Variants in LINGO2 observed in about 807,000 individuals in gnomAD.
LINGO2 encodes leucine rich repeat and Ig domain containing 2, also known as leucine-rich repeat and immunoglobulin-like domain-containing nogo receptor-interacting protein 2.
In LINGO2, 14 loss-of-function variants were observed where a neutral mutation model predicts 30.6. The ratio of observed to expected loss-of-function variants is 0.46; its 90% CI spans 0.30 to 0.72. The LOEUF is 0.72. LINGO2 is among the 30% of genes least tolerant of loss of function. The probability of loss-of-function intolerance (pLI) is 0.07; values close to 1 mark genes in which losing one functional copy is unlikely to be tolerated. For synonymous variants in LINGO2, 317 were observed against 288.5 expected (o/e 1.10, Z -1.00); for missense variants, 729 against 751.7 (o/e 0.97, Z 0.35).
chr9:27,938,871 A>C, the LINGO2 span: 2 of 152,206 alleles, frequency 1.3e-5, no homozygotes, highest in East Asian at 3.9e-4. Context: ...TGCTTGGATA[A>C]TTGGAAAATT....
chr9:28,150,095 G>C (rs1312193887), intron 4 of LINGO2, among the ~76,000 whole-genome samples: 1 of 151,338 alleles, frequency 6.6e-6, no homozygotes, highest in Admixed American at 6.6e-5. Context: ...GAAGTGAGGA[G>C]TGCTTCTGCC....
At chr9:28,351,695 A>C (rs1455775341) in intron 3 of LINGO2, among the ~76,000 whole-genome samples, 26 of 150,902 alleles carry the variant, frequency 1.7e-4, no homozygotes, top group East Asian at 9.8e-4. Flanking sequence ...GAGACACAAC[A>C]AAAAAAGAGA....
At chr9:28,053,431 T>C (rs1382970165) in intron 4 of LINGO2, among the ~76,000 whole-genome samples, 1 of 152,078 alleles carries the variant, frequency 6.6e-6, no homozygotes, top group African/African-American at 2.4e-5. Flanking sequence ...TCTAAAGAAC[T>C]CTTAATTGTA....
At position 28,077,968 on chromosome 9, in the gene LINGO2, T is replaced by C. The variant is rs972323238; in HGVS notation, c.-86-65563A>G. Among the ~76,000 whole-genome samples the C allele has an allele frequency of 1.3e-5, 2 of 149,210 alleles. 1 individual carries two copies. Among genetic ancestry groups the C allele is most frequent in the African/African-American group, 5.2e-5 (2 of 38,562 alleles). On this transcript the variant is annotated intron_variant, in intron 4 of 5. Coordinates refer to ENST00000379992, the Ensembl canonical transcript of LINGO2. Reference sequence around the variant, plus strand: ...ATTAAGCGTCAACTCTAGAGAATGATGTGGTTGTAATCTGTCTGCCATATG... The same window carrying C: ...ATTAAGCGTCAACTCTAGAGAATGACGTGGTTGTAATCTGTCTGCCATATG...
chr9:29,078,126 T>A, the LINGO2 span, among the ~76,000 whole-genome samples: 1 of 151,962 alleles, frequency 6.6e-6, no homozygotes, highest in African/African-American at 2.4e-5. Flanking sequence ...AAACTCCTTT[T>A]ACCAATATTT....
At chr9:28,591,425 T>C (rs1344556038) in intron 1 of LINGO2, among the ~76,000 whole-genome samples, 1 of 151,998 alleles carries the variant, frequency 6.6e-6, no homozygotes, top group Admixed American at 6.6e-5. Context: ...TTTATGACTG[T>C]CTCCCACTTC....
At chr9:28,468,313 T>C (rs1392248421) in intron 2 of LINGO2, among the ~76,000 whole-genome samples, 1 of 152,210 alleles carries the variant, frequency 6.6e-6, no homozygotes, top group Non-Finnish European at 1.5e-5. Context: ...AGATCATATT[T>C]GCAAGGTTAT....
At position 28,004,356 on chromosome 9, in the gene LINGO2, G is replaced by A. The variant is rs373675014; in HGVS notation, c.-36+7999C>T. ...CATTAAAAGGTAGAGATTTTTATCC[G>A]ATTCATTTTTTTCTCTCACAGCTTA... On this transcript the variant is annotated intron_variant, in intron 5 of 5. Transcript: ENST00000379992. Among the ~76,000 whole-genome samples the A allele has an allele frequency of 4.6e-5, 7 of 152,042 alleles. No individual in the cohort carries two copies. In the East Asian group the frequency reaches 7.7e-4, roughly 17 times the overall value.
At chr9:28,802,374 C>A in the LINGO2 span, among the ~76,000 whole-genome samples, 2 of 151,966 alleles carry the variant, frequency 1.3e-5, no homozygotes, top group Non-Finnish European at 2.9e-5. Context: ...GAAGAAAAAT[C>A]TTTAATCTGT....
the LINGO2 span, among the ~76,000 whole-genome samples, chr9:28,854,375 AAT>A: frequency 5.3e-5 from 8 of 152,152 alleles, no homozygotes; most frequent in South Asian, 1.4e-3. Flanking sequence ...TCTTTAGACA[AAT>A]ATAAGATAAT....
chr9:28,331,469 T>C (rs1346392300), intron 3 of LINGO2, among the ~76,000 whole-genome samples: 2 of 152,124 alleles, frequency 1.3e-5, no homozygotes, highest in Non-Finnish European at 2.9e-5. Context: ...TTCTGATGCA[T>C]ATAAATTCTT....
chr9:28,233,052 A>AT (rs1564062921), intron 4 of LINGO2, among the ~76,000 whole-genome samples: 2 of 120,012 alleles, frequency 1.7e-5, no homozygotes, highest in African/African-American at 7.1e-5. Flanking sequence ...ATATATATAT[A>AT]TATATATATT....
intron 1 of LINGO2, among the ~76,000 whole-genome samples, chr9:28,601,550 T>C (rs924152508): frequency 2.2e-4 from 11 of 49,810 alleles, no homozygotes; most frequent in African/African-American, 1.4e-3. Flanking sequence ...TCAGAGTGTG[T>C]GGCAATTGAG....
the LINGO2 span, among the ~76,000 whole-genome samples, chr9:29,044,840 C>T: frequency 3.2e-4 from 48 of 151,996 alleles, no homozygotes; most frequent in Non-Finnish European, 7.4e-5. Context: ...ATACATACAC[C>T]CTTAAGATAA....
intron 4 of LINGO2, among the ~76,000 whole-genome samples, chr9:28,134,673 G>A (rs759304885): frequency 1.3e-5 from 2 of 152,234 alleles, no homozygotes; most frequent in Non-Finnish European, 2.9e-5. Flanking sequence ...AAACATGGCT[G>A]AGTTCTGAGA....
At chr9:28,756,672 A>G in the LINGO2 span, among the ~76,000 whole-genome samples, 4 of 151,932 alleles carry the variant, frequency 2.6e-5, no homozygotes, top group Non-Finnish European at 4.4e-5. Context: ...GGTTTCCCCC[A>G]TGCTGTTCTA....
intron 2 of LINGO2, among the ~76,000 whole-genome samples, chr9:28,438,986 G>T (rs1241596523): frequency 6.9e-6 from 1 of 145,212 alleles, no homozygotes; most frequent in East Asian, 2.0e-4. Flanking sequence ...ATGAAATATA[G>T]ATAATATCTA....
chr9:28,342,731 G>A (rs115818782), intron 3 of LINGO2, among the ~76,000 whole-genome samples: 2,283 of 152,114 alleles, frequency 0.015, 51 homozygotes, highest in African/African-American at 0.053. Flanking sequence ...ACTTACAAAT[G>A]TAGTTTAAAC....
the LINGO2 span, among the ~76,000 whole-genome samples, chr9:29,028,049 G>C: frequency 6.6e-6 from 1 of 152,058 alleles, no homozygotes; most frequent in African/African-American, 2.4e-5. Flanking sequence ...CTTACAGAAA[G>C]TATGACCTGT....
Sources: gnomAD v4.1 joint callset for allele counts (sites outside exome capture counted in the v4.1 genomes callset) on GRCh38, gnomAD v4.1.1 for gene constraint, MANE v1.5 for transcripts, NCBI Gene and HGNC (gene_info 2026-07-23, HGNC 2026-07-21) for gene names.